The following SORCS1 variants were observed in gnomAD, a reference collection of about 807,000 sequenced individuals.
The protein encoded by SORCS1 is VPS10 domain-containing receptor SorCS1.
A neutral mutation model predicts 146.1 loss-of-function variants in SORCS1; 60 were observed. The ratio of observed to expected loss-of-function variants is 0.41; its 90% CI spans 0.33 to 0.51. The LOEUF is 0.51. Among genes scored for constraint, SORCS1 ranks in the 20% least tolerant of loss-of-function variants. The probability of loss-of-function intolerance (pLI) is 0.21; values close to 1 mark genes in which losing one functional copy is unlikely to be tolerated. For synonymous variants in SORCS1, 637 were observed against 584.0 expected, an observed-to-expected ratio of 1.09 and a Z score of -1.31; for missense variants, 1,352 against 1,487.6, an observed-to-expected ratio of 0.91 and a Z score of 1.50.
Position 106,828,799 on chromosome 10 carries a change from T to G in SORCS1, c.726+775A>C, listed in dbSNP as rs141806487. On this transcript the variant is annotated intron_variant, in intron 3 of 25. Coordinates refer to ENST00000263054, the MANE Select transcript of SORCS1 (RefSeq NM_052918.5). ...TCCTCATTTAAAAACAATATTTTCT[T>G]CCTAAAAAATGACATACCTGAGGAG... Among the ~76,000 whole-genome samples, 587 of 152,162 alleles carry G rather than the reference T, an allele frequency of 3.9e-3. 4 individuals are homozygous for G. The highest frequency in any genetic ancestry group is 8.5e-3 in the African/African-American group (352 of 41,546).
Position 107,020,738 on chromosome 10 carries a change from T to C in SORCS1, c.559-64158A>G, listed in dbSNP as rs113633732. On this transcript the variant is annotated intron_variant, in intron 1 of 25. Transcript: ENST00000263054. Reference sequence around the variant, plus strand: ...CCTTTCTAAAGAATTTTGGAGGCTATGAAAAATTTCAGACTTGATTGGGTG... The same window carrying C: ...CCTTTCTAAAGAATTTTGGAGGCTACGAAAAATTTCAGACTTGATTGGGTG... Among the ~76,000 whole-genome samples the C allele has an allele frequency of 5.4e-3, 818 of 152,316 alleles. 9 individuals are homozygous for C. The highest frequency in any genetic ancestry group is 7.6e-3 in the Non-Finnish European group (515 of 68,034).
At chr10:106,842,302 T>C (rs778184671) in intron 2 of SORCS1, among the ~76,000 whole-genome samples, 1 of 151,984 alleles carries the variant, frequency 6.6e-6, no homozygotes, top group Non-Finnish European at 1.5e-5. Flanking sequence ...GGCATGACCT[T>C]GGCTCACTGC....
intron 3 of SORCS1, among the ~76,000 whole-genome samples, chr10:106,821,735 GA>G (rs1948037232): frequency 6.6e-6 from 1 of 152,004 alleles, no homozygotes; most frequent in Admixed American, 6.6e-5. Flanking sequence ...TCCTGGCTAA[GA>G]CTGTGAAACC....
intron 1 of SORCS1, among the ~76,000 whole-genome samples, chr10:107,005,513 ATTT>A (rs550930187): frequency 1.5e-3 from 225 of 152,330 alleles, no homozygotes; most frequent in African/African-American, 4.7e-3. Flanking sequence ...AAAGACAGGA[ATTT>A]TTTAAAAACT....
intron 5 of SORCS1, among the ~76,000 whole-genome samples, chr10:106,746,065 G>A (rs971407246): frequency 4.6e-5 from 7 of 152,120 alleles, no homozygotes; most frequent in South Asian, 4.1e-4. Context: ...AAGGAAAGAC[G>A]GAGGAACTCC....
chr10:107,179,135 G>A, the SORCS1 span, among the ~76,000 whole-genome samples: 103 of 152,174 alleles, frequency 6.8e-4, no homozygotes, highest in African/African-American at 2.4e-3. Flanking sequence ...CTTATTTTGT[G>A]TCTTTTTGAT....
At chr10:106,989,802 T>C (rs1956691304) in intron 1 of SORCS1, among the ~76,000 whole-genome samples, 1 of 147,444 alleles carries the variant, frequency 6.8e-6, no homozygotes. Flanking sequence ...TTCTCCCACC[T>C]CAGCCTCCCG....
chr10:106,702,638 T>A (rs994189712), intron 8 of SORCS1, among the ~76,000 whole-genome samples: 1 of 152,254 alleles, frequency 6.6e-6, no homozygotes, highest in African/African-American at 2.4e-5. Flanking sequence ...CTTTGTTTCA[T>A]GTAATTATGT....
At chr10:106,849,152 G>A (rs1223937963) in intron 2 of SORCS1, among the ~76,000 whole-genome samples, 5 of 147,062 alleles carry the variant, frequency 3.4e-5, no homozygotes. Context: ...GATTGGGGAA[G>A]TTCTCCTGGA....
At chr10:106,891,093 G>C (rs1220441626) in intron 2 of SORCS1, among the ~76,000 whole-genome samples, 1 of 152,074 alleles carries the variant, frequency 6.6e-6, no homozygotes, top group Non-Finnish European at 1.5e-5. Context: ...CAGGCCTTCA[G>C]GAACAGTAAA....
intron 1 of SORCS1, among the ~76,000 whole-genome samples, chr10:107,016,211 A>C (rs971832442): frequency 2.6e-5 from 4 of 152,228 alleles, no homozygotes; most frequent in Non-Finnish European, 5.9e-5. Context: ...TACGTGCATA[A>C]TATATGACAA....
chr10:106,737,103 G>A (rs1238960835), intron 5 of SORCS1, among the ~76,000 whole-genome samples: 2 of 150,252 alleles, frequency 1.3e-5, no homozygotes, highest in African/African-American at 2.5e-5. Context: ...AGTGAGGCAC[G>A]CAAGTCTGAC....
At chr10:106,746,247 T>C (rs940216625) in intron 5 of SORCS1, among the ~76,000 whole-genome samples, 2 of 152,360 alleles carry the variant, frequency 1.3e-5, no homozygotes, top group African/African-American at 4.8e-5. Context: ...TTTTTATTGG[T>C]AAACATTGCA....
intron 1 of SORCS1, among the ~76,000 whole-genome samples, chr10:106,980,571 C>CA (rs1188245233): frequency 6.6e-6 from 1 of 152,176 alleles, no homozygotes; most frequent in African/African-American, 2.4e-5. Flanking sequence ...CAATGACAAG[C>CA]AAACTTCTCA....
At position 106,914,965 on chromosome 10, in the gene SORCS1, C is replaced by T. The variant is rs548654201; in HGVS notation, c.626+41548G>A. 2.0e-5 allele frequency among the ~76,000 whole-genome samples: 3 copies of T among 152,288 alleles called. No homozygotes were observed. In the South Asian group the frequency reaches 6.2e-4, roughly 32 times the overall value. ...GACAGCTGGATGTTCCCATTTCAAG[C>T]ATGTGGAGTAACAGACACGAGACTG... is the stretch of plus-strand genomic sequence containing the variant. On this transcript the variant is annotated intron_variant, in intron 2 of 25. Coordinates refer to ENST00000263054, the MANE Select transcript of SORCS1 (RefSeq NM_052918.5).
chr10:106,722,452 CATAGTTAT>C (rs1354080688), intron 6 of SORCS1, among the ~76,000 whole-genome samples: 1 of 152,132 alleles, frequency 6.6e-6, no homozygotes, highest in Non-Finnish European at 1.5e-5. Context: ...TAGTGGGATG[CATAGTTAT>C]ATAAAGTTGT....
At chr10:107,117,727 T>G (rs1005625845) in intron 1 of SORCS1, among the ~76,000 whole-genome samples, 1 of 152,186 alleles carries the variant, frequency 6.6e-6, no homozygotes, top group Non-Finnish European at 1.5e-5. Context: ...TTCTTTCTTA[T>G]TTCTCCCTTT....
the SORCS1 span, among the ~76,000 whole-genome samples, chr10:107,174,872 G>A: frequency 1.3e-5 from 2 of 152,104 alleles, no homozygotes; most frequent in East Asian, 1.9e-4. Flanking sequence ...AGGGGGAAAG[G>A]TTTTATTATT....
chr10:106,652,069 T>C lies in SORCS1; in HGVS notation c.2475+313A>G, dbSNP rs1849905797. Among the ~76,000 whole-genome samples the C allele has an allele frequency of 3.3e-5, 5 of 152,224 alleles. No individual in the cohort carries two copies. In the South Asian group the frequency reaches 1.0e-3, roughly 31 times the overall value. Reference sequence around the variant, plus strand: ...ACGTATTAAATTATTTCAGGAATGTTATTTATGTATTCTGAGAAAATGGAT... The same window carrying C: ...ACGTATTAAATTATTTCAGGAATGTCATTTATGTATTCTGAGAAAATGGAT... On this transcript the variant is annotated intron_variant, in intron 18 of 25. Coordinates refer to ENST00000263054, the MANE Select transcript of SORCS1 (RefSeq NM_052918.5).
Sources: allele counts gnomAD v4.1 joint callset (sites outside exome capture counted in the v4.1 genomes callset), GRCh38; gene constraint gnomAD v4.1.1; transcripts MANE v1.5; gene names NCBI Gene and HGNC (gene_info 2026-07-23, HGNC 2026-07-21).